PPFIA1: variants seen among roughly 807,000 people sequenced by gnomAD.
PPFIA1 encodes liprin-alpha-1.
Under a neutral mutation model 149.9 loss-of-function variants are expected in PPFIA1, and 25 were observed. That is an observed-to-expected ratio of 0.17 (90% CI 0.12 to 0.23). The LOEUF is 0.23. Ranked by LOEUF, PPFIA1 falls within the 10% of genes least tolerant of loss-of-function variation. The pLI, the probability that PPFIA1 is intolerant of heterozygous loss-of-function variation, is 1.00. For missense variants in PPFIA1, 1,362 were observed against 1,506.5 expected (o/e 0.90, Z 1.59); for synonymous variants, 549 against 552.8 (o/e 0.99, Z 0.10).
At chr11:70,300,371 TTTTA>T (rs1372451883) in intron 2 of PPFIA1, among the ~76,000 whole-genome samples, 1 of 152,068 alleles carries the variant, frequency 6.6e-6, no homozygotes, top group Non-Finnish European at 1.5e-5. Flanking sequence ...TTTTTTTAAT[TTTTA>T]TTTATTTATT....
chr11:70,320,672 A>T (rs2053886192), intron 2 of PPFIA1, among the ~76,000 whole-genome samples: 1 of 152,096 alleles, frequency 6.6e-6, no homozygotes, highest in African/African-American at 2.4e-5. Flanking sequence ...CCTGGGCTCA[A>T]GCAGTCCTCC....
At position 70,338,439 on chromosome 11, in the gene PPFIA1, T is replaced by C; in HGVS notation, c.1557T>C (p.Ala519=). 6.2e-7 allele frequency: 1 copy of C among 1,610,876 alleles called. No individual in the cohort carries two copies. Among genetic ancestry groups the C allele is most frequent in the Non-Finnish European group, 8.5e-7 (1 of 1,177,038 alleles). The change falls in exon 13 of 28, where the codon GCT becomes GCC. Residue 519 remains alanine, a synonymous_variant. Coordinates refer to ENST00000253925, the MANE Select transcript of PPFIA1 (RefSeq NM_003626.5). ...TAGACCACATGAGACTAAGAGGTGC[T>C]TCACTTCATCATGGGTATGGTATTA... The part of the protein sequence containing the change: ...AELDHMRLRG[A]SLHHGRPHLG...
At position 70,326,703 on chromosome 11, in the gene PPFIA1, G is replaced by A. The variant is rs757580695; in HGVS notation, c.815G>A (p.Arg272His). The A allele has an allele frequency of 6.2e-7, 1 of 1,613,992 alleles. No individual in the cohort carries two copies. Among genetic ancestry groups the A allele is most frequent in the Non-Finnish European group, 8.5e-7 (1 of 1,179,950 alleles). ...AGGGAACAGAGCCAAATGAAAGAACGCCTGGCTTCCCTTTCCAGTCATGTG... is the reference window on the plus strand; with the variant it reads ...AGGGAACAGAGCCAAATGAAAGAACACCTGGCTTCCCTTTCCAGTCATGTG... ...QSREQSQMKERLASLSSHVTE... is the reference protein window; with the variant it reads ...QSREQSQMKEHLASLSSHVTE... Residue 272 changes from arginine (R) to histidine (H), a missense_variant, in exon 7 of 28, where the codon CGC (arginine) becomes CAC (histidine). Arg to His is a conservative substitution (Grantham distance 29). Coordinates refer to ENST00000253925, the MANE Select transcript of PPFIA1 (RefSeq NM_003626.5).
chr11:70,295,647 C>T (rs2051911481), intron 2 of PPFIA1, among the ~76,000 whole-genome samples: 1 of 139,514 alleles, frequency 7.2e-6, no homozygotes, highest in Non-Finnish European at 1.6e-5. Flanking sequence ...GCAGAGGTGC[C>T]CCTCACCTCC....
intron 2 of PPFIA1, among the ~76,000 whole-genome samples, chr11:70,310,110 A>C (rs2053158506): frequency 6.6e-6 from 1 of 152,036 alleles, no homozygotes; most frequent in Non-Finnish European, 1.5e-5. Flanking sequence ...AAGTAATGCA[A>C]CTCCCTTCAG....
chr11:70,284,000 AT>A (rs2050938965), intron 2 of PPFIA1: 1 of 533,480 alleles, frequency 1.9e-6, no homozygotes, highest in African/African-American at 1.9e-5. Flanking sequence ...GTACTTGCGG[AT>A]TTTGCTTTAC....
At chr11:70,315,405 G>C (rs1314478108) in intron 2 of PPFIA1, among the ~76,000 whole-genome samples, 1 of 152,168 alleles carries the variant, frequency 6.6e-6, no homozygotes, top group Non-Finnish European at 1.5e-5. Context: ...CTGACGGGCA[G>C]ATAGATATAG....
intron 2 of PPFIA1, among the ~76,000 whole-genome samples, chr11:70,308,057 A>G (rs2052986471): frequency 6.6e-6 from 1 of 152,134 alleles, no homozygotes; most frequent in Admixed American, 6.5e-5. Context: ...TGGCTTATTT[A>G]TTTATTTTGA....
At chr11:70,331,306 T>C (rs775081861) in intron 8 of PPFIA1, among the ~76,000 whole-genome samples, 3 of 151,938 alleles carry the variant, frequency 2.0e-5, no homozygotes, top group African/African-American at 2.4e-5. Flanking sequence ...ACCATACTTA[T>C]TCTTGTAATT....
chr11:70,277,609 G>A (rs772235563), intron 2 of PPFIA1, among the ~76,000 whole-genome samples: 1 of 151,942 alleles, frequency 6.6e-6, no homozygotes, highest in African/African-American at 2.4e-5. Flanking sequence ...TCTTGCCTCA[G>A]CCTTCTGAGT....
chr11:70,367,934 C>A (rs993732149), intron 21 of PPFIA1, among the ~76,000 whole-genome samples: 4 of 152,134 alleles, frequency 2.6e-5, no homozygotes, highest in African/African-American at 9.7e-5. Context: ...CCCAGGAGTT[C>A]AAGACCAGCC....
chr11:70,358,405 T>C (rs2056460483), intron 19 of PPFIA1: 1 of 152,128 alleles, frequency 6.6e-6, no homozygotes, highest in Non-Finnish European at 1.5e-5. Flanking sequence ...GAATTTTTAG[T>C]AGAGATGGGG....
chr11:70,319,108 C>T lies in PPFIA1; in HGVS notation c.265-5294C>T, dbSNP rs567392395. ...TTACACCTTCCCTTCAAAACATACT[C>T]TTCCCGTAGTCACTCCCTTCTCAGG... is the stretch of plus-strand genomic sequence containing the variant. On this transcript the variant is annotated intron_variant, in intron 2 of 27. Transcript: ENST00000253925. Among the ~76,000 whole-genome samples the T allele has an allele frequency of 4.1e-4, 63 of 152,368 alleles. No individual in the cohort carries two copies. In the South Asian group the frequency reaches 0.012, roughly 30 times the overall value.
chr11:70,320,215 GAAAC>G (rs2053855265), intron 2 of PPFIA1: 1 of 152,218 alleles, frequency 6.6e-6, no homozygotes, highest in African/African-American at 2.4e-5. Flanking sequence ...TTTAAGTAGA[GAAAC>G]AAACCAAAAA....
intron 2 of PPFIA1, among the ~76,000 whole-genome samples, chr11:70,307,887 C>T (rs965552112): frequency 2.0e-5 from 3 of 152,108 alleles, no homozygotes; most frequent in Non-Finnish European, 2.9e-5. Context: ...GGTTACAGCA[C>T]GGCACTCCAG....
intron 2 of PPFIA1, among the ~76,000 whole-genome samples, chr11:70,290,127 G>T (rs1315282183): frequency 6.6e-6 from 1 of 152,122 alleles, no homozygotes; most frequent in African/African-American, 2.4e-5. Context: ...CTACTCAGGA[G>T]GCTGAGGCAC....
intron 2 of PPFIA1, among the ~76,000 whole-genome samples, chr11:70,295,128 C>T (rs1219171728): frequency 6.6e-6 from 1 of 151,938 alleles, no homozygotes; most frequent in African/African-American, 2.4e-5. Flanking sequence ...CCAGTAGGGG[C>T]GGCCGGGCAG....
chr11:70,341,697 A>T (rs2055341735), intron 14 of PPFIA1, among the ~76,000 whole-genome samples: 1 of 152,202 alleles, frequency 6.6e-6, no homozygotes, highest in Non-Finnish European at 1.5e-5. Context: ...GGGTGCCTGG[A>T]TGGAGACAAG....
At chr11:70,332,878 G>A in intron 9 of PPFIA1, 1 of 381,292 alleles carries the variant, frequency 2.6e-6, no homozygotes, top group South Asian at 1.9e-5. Flanking sequence ...CATTCAGATG[G>A]TTTTAGGGCT....
Sources: allele counts gnomAD v4.1 joint callset (sites outside exome capture counted in the v4.1 genomes callset), GRCh38; gene constraint gnomAD v4.1.1; transcripts MANE v1.5; gene names NCBI Gene and HGNC (gene_info 2026-07-23, HGNC 2026-07-21).